The following RBP7 variants were observed in gnomAD, a reference collection of about 807,000 sequenced individuals.
RBP7 encodes the protein retinol binding protein 7.
A neutral mutation model predicts 16.7 loss-of-function variants in RBP7; 13 were observed. That is an observed-to-expected ratio of 0.78 (90% CI 0.51 to 1.24). The LOEUF is 1.24. Ranked by LOEUF, RBP7 falls within the 50% of genes most tolerant of loss-of-function variation. The pLI is 0.00. For missense variants in RBP7, 145 were observed against 159.5 expected (o/e 0.91, Z 0.49); for synonymous variants, 54 against 56.2 (o/e 0.96, Z 0.17).
chr1:10,009,644 ACCTCAG>A (rs1430995703), intron 3 of RBP7, among the ~76,000 whole-genome samples: 1 of 149,358 alleles, frequency 6.7e-6, no homozygotes, highest in Non-Finnish European at 1.5e-5. Flanking sequence ...CGATCCTCCC[ACCTCAG>A]CCTCCCGAGT....
At chr1:10,009,573 C>T (rs1642558374) in intron 3 of RBP7, among the ~76,000 whole-genome samples, 1 of 151,236 alleles carries the variant, frequency 6.6e-6, no homozygotes, top group Non-Finnish European at 1.5e-5. Flanking sequence ...CCAGTGTCAC[C>T]CACGCTGGAG....
intron 3 of RBP7, among the ~76,000 whole-genome samples, chr1:10,011,019 C>T (rs764312385): frequency 6.6e-6 from 1 of 151,800 alleles, no homozygotes; most frequent in African/African-American, 2.4e-5. Context: ...GTGAGCCACC[C>T]GACAGACAGA....
intron 3 of RBP7, among the ~76,000 whole-genome samples, chr1:10,009,676 C>G (rs1642562463): frequency 6.6e-6 from 1 of 151,748 alleles, no homozygotes; most frequent in Admixed American, 6.6e-5. Context: ...GGACTACAGG[C>G]ATGCACCACC....
At chr1:10,006,726 CGT>C (rs139188536) in intron 1 of RBP7, among the ~76,000 whole-genome samples, 2,518 of 129,364 alleles carry the variant, frequency 0.019, 29 homozygotes, top group African/African-American at 0.035. Flanking sequence ...AAAGTATATA[CGT>C]GTGTGTGTGT....
chr1:10,015,518 C>T (rs1255824468), intron 3 of RBP7, among the ~76,000 whole-genome samples: 1 of 151,080 alleles, frequency 6.6e-6, no homozygotes, highest in African/African-American at 2.4e-5. Context: ...AAAAATTAGC[C>T]GGGCATGATG....
chr1:10,009,521 AT>A (rs112431441), intron 3 of RBP7, among the ~76,000 whole-genome samples: 37,506 of 140,960 alleles, frequency 0.27, 6,399 homozygotes, highest in African/African-American at 0.51. Flanking sequence ...TTAATGTCTT[AT>A]TTTTTTTTTT....
At chr1:10,005,249 G>A (rs926472321) in intron 1 of RBP7, among the ~76,000 whole-genome samples, 1 of 151,996 alleles carries the variant, frequency 6.6e-6, no homozygotes, top group Non-Finnish European at 1.5e-5. Flanking sequence ...GTTTTACTCC[G>A]TCCCCAGGCT....
chr1:9,998,193 T>C (rs1642207147), intron 1 of RBP7, among the ~76,000 whole-genome samples: 1 of 152,000 alleles, frequency 6.6e-6, no homozygotes, highest in Non-Finnish European at 1.5e-5. Flanking sequence ...GGTTTCACTA[T>C]ATTGGTCAGG....
At chr1:10,011,051 TTACAACATTTTCTATACAAAGCTG>T (rs1642602289) in intron 3 of RBP7, among the ~76,000 whole-genome samples, 1 of 152,216 alleles carries the variant, frequency 6.6e-6, no homozygotes, top group Non-Finnish European at 1.5e-5. Context: ...TTTCGCAGGA[TTACAACATTTTCTATACAAAGCTG>T]TTTTATGAGT....
intron 1 of RBP7, among the ~76,000 whole-genome samples, chr1:10,001,018 G>A (rs1338083426): frequency 6.6e-6 from 1 of 152,160 alleles, no homozygotes; most frequent in Non-Finnish European, 1.5e-5. Context: ...ACAGGCGTGA[G>A]CTACCGTGCC....
Position 10,015,807 on chromosome 1 carries a change from G to A in RBP7, c.380G>A (p.Cys127Tyr). The change falls in exon 4 of 4, where the codon TGC (cysteine) becomes TAC (tyrosine). Residue 127 changes from cysteine to tyrosine, a missense_variant. Physicochemically the swap from Cys to Tyr is radical, Grantham distance 194. Coordinates refer to ENST00000294435, the MANE Select transcript of RBP7 (RefSeq NM_052960.3). ...HLEMFCEGQV[C>Y]KQTFQRA is the part of the protein sequence containing the mutation. ...GAAATGTTCTGTGAAGGTCAAGTGTGCAAACAGACATTCCAGAGAGCCTGA... is the reference window on the plus strand; with the variant it reads ...GAAATGTTCTGTGAAGGTCAAGTGTACAAACAGACATTCCAGAGAGCCTGA... 1 of 1,614,134 alleles carries A rather than the reference G, an allele frequency of 6.2e-7. No homozygotes were observed. Among genetic ancestry groups the A allele is most frequent in the South Asian group, 1.1e-5 (1 of 91,082 alleles).
chr1:10,008,331 C>A, intron 3 of RBP7, 57 bp downstream of exon 3: 1 of 1,191,332 alleles, frequency 8.4e-7, no homozygotes, highest in Non-Finnish European at 1.2e-6. Context: ...AAACATCAGG[C>A]CAAGCGTGGT....
chr1:10,014,051 C>T (rs1642704169), intron 3 of RBP7, among the ~76,000 whole-genome samples: 1 of 152,046 alleles, frequency 6.6e-6, no homozygotes, highest in Non-Finnish European at 1.5e-5. Flanking sequence ...TGACTGTCTA[C>T]TGAGGGTCCT....
At chr1:10,009,734 ATT>A (rs146403712) in intron 3 of RBP7, among the ~76,000 whole-genome samples, 11,135 of 151,830 alleles carry the variant, frequency 0.073, 632 homozygotes, top group East Asian at 0.21. Flanking sequence ...ATTTTACCAT[ATT>A]GGCCAGGCTG....
At chr1:10,007,411 C>T (rs1426474077) in intron 1 of RBP7, among the ~76,000 whole-genome samples, 159 bp from the exon 2 acceptor site, 1 of 152,026 alleles carries the variant, frequency 6.6e-6, no homozygotes, top group East Asian at 1.9e-4. Flanking sequence ...GGCAGTTTGC[C>T]AAGACGATTC....
Position 9,997,382 on chromosome 1 carries a change from G to A in RBP7, c.73+51G>A. The A allele has an allele frequency of 6.3e-7, 1 of 1,580,430 alleles. No homozygotes were observed. The highest frequency in any genetic ancestry group is 8.7e-7 in the Non-Finnish European group (1 of 1,154,204). On this transcript the variant is annotated intron_variant, in intron 1 of 3. Transcript: ENST00000294435. This position sits in a 1 kb window ranked among gnomAD's most constrained non-coding sequence, Gnocchi z 5.9. ...GCGCGAGGCTCGCCGTGGGTCTCGGGATCAGGCGAAGGCGGCCGGGCCGGG... is the reference window on the plus strand; with the variant it reads ...GCGCGAGGCTCGCCGTGGGTCTCGGAATCAGGCGAAGGCGGCCGGGCCGGG...
At chr1:10,008,629 C>CG (rs1371827506) in intron 3 of RBP7, among the ~76,000 whole-genome samples, 4 of 149,866 alleles carry the variant, frequency 2.7e-5, no homozygotes, top group African/African-American at 9.9e-5. Context: ...TTAGTGGAGA[C>CG]GGGGTTTCAC....
chr1:10,002,861 T>C lies in RBP7; in HGVS notation c.74-4709T>C, dbSNP rs3013786. Among the ~76,000 whole-genome samples, 1,369 of 152,242 alleles carry C rather than the reference T, an allele frequency of 9.0e-3. 15 individuals are homozygous for C. Among genetic ancestry groups the C allele is most frequent in the African/African-American group, 0.031 (1,268 of 41,558 alleles). On this transcript the variant is annotated intron_variant, in intron 1 of 3. Transcript: ENST00000294435. ...TATTTAAAGAGGCCAGCCTTGTAAC[T>C]GCAAATCTGTGAAGTGACAATGTTG... is the stretch of plus-strand genomic sequence containing the variant.
chr1:10,003,254 C>T (rs1381402134), intron 1 of RBP7, among the ~76,000 whole-genome samples: 3 of 152,052 alleles, frequency 2.0e-5, no homozygotes, highest in Non-Finnish European at 4.4e-5. Flanking sequence ...TGGTGAAACC[C>T]ATCTCTACCA....
Sources: gnomAD v4.1 joint callset for allele counts (sites outside exome capture counted in the v4.1 genomes callset) on GRCh38, gnomAD v4.1.1 for gene constraint, Gnocchi (gnomAD v3.1) non-coding constraint, MANE v1.5 for transcripts, NCBI Gene and HGNC (gene_info 2026-07-23, HGNC 2026-07-21) for gene names.